CRYBG1: variants seen among roughly 807,000 people sequenced by gnomAD.
CRYBG1 encodes the protein crystallin beta-gamma domain containing 1, also known as beta/gamma crystallin domain-containing protein 1.
Under a neutral mutation model 189.2 loss-of-function variants are expected in CRYBG1, and 139 were observed. That is an observed-to-expected ratio of 0.73 (90% CI 0.64 to 0.85). The LOEUF (loss-of-function observed/expected upper bound fraction) is 0.85, where lower values mean the gene tolerates loss of function less well. CRYBG1 is among the 40% of genes least tolerant of loss of function. CRYBG1 has a pLI of 0.00. For synonymous variants in CRYBG1, 1,023 were observed against 1,017.1 expected (o/e 1.01, Z -0.11); for missense variants, 2,611 against 2,675.8 (o/e 0.98, Z 0.53).
intron 2 of CRYBG1, among the ~76,000 whole-genome samples, chr6:106,453,169 G>T (rs575457158): frequency 1.3e-5 from 2 of 152,112 alleles, no homozygotes; most frequent in Admixed American, 1.3e-4. Flanking sequence ...TAAGATGGTA[G>T]ATTTTGTTAT....
rs1195235368 is a variant in CRYBG1 at position 106,551,366 on chromosome 6, A to G, written c.5313-486A>G. On this transcript the variant is annotated intron_variant, in intron 13 of 21. Transcript: ENST00000633556. The stretch of plus-strand genomic sequence containing the variant: ...ATTTCATTCTTTTTTATGGCTGTAT[A>G]GTATTCCATGGTTTATATGTACCAC... 2.0e-5 allele frequency among the ~76,000 whole-genome samples: 3 copies of G among 152,176 alleles called. No homozygotes were observed. The East Asian group carries it at 5.8e-4, about 29-fold the overall frequency.
chr6:106,387,933 G>A (rs1016271818), intron 1 of CRYBG1, among the ~76,000 whole-genome samples: 4 of 152,086 alleles, frequency 2.6e-5, no homozygotes, highest in Non-Finnish European at 5.9e-5. Flanking sequence ...TTCTTCCATT[G>A]GAGCAATTAT....
intron 21 of CRYBG1, 143 bp downstream of exon 21, chr6:106,564,069 C>T (rs200548418): frequency 3.8e-6 from 3 of 795,176 alleles, no homozygotes; most frequent in South Asian, 1.8e-5. Context: ...AGCTGCTGTG[C>T]TAGCCACTTT....
At chr6:106,546,681 T>C (rs985326829) in intron 13 of CRYBG1, among the ~76,000 whole-genome samples, 18 of 152,352 alleles carry the variant, frequency 1.2e-4, no homozygotes, top group African/African-American at 4.3e-4. Flanking sequence ...CCCTAACATT[T>C]TAGAATCAGT....
rs1211519005 is a variant in CRYBG1 at position 106,557,192 on chromosome 6, CTAT to C, written c.5716-1293_5716-1291del. 2.6e-5 allele frequency among the ~76,000 whole-genome samples: 4 copies of C among 152,274 alleles called. No homozygotes were observed. In the South Asian group the frequency reaches 6.2e-4, roughly 24 times the overall value. On this transcript the variant is annotated intron_variant, in intron 17 of 21. Coordinates refer to ENST00000633556, the MANE Select transcript of CRYBG1 (RefSeq NM_001371242.2). ...ATAAAAGTGCAAAGTAGTAATACTA[CTAT>C]AATTTTTGTCTTCTTTCCTCCATGT...
intron 2 of CRYBG1, among the ~76,000 whole-genome samples, chr6:106,488,921 G>A (rs894948860): frequency 1.3e-5 from 2 of 152,180 alleles, no homozygotes; most frequent in African/African-American, 4.8e-5. Flanking sequence ...GTGTTGTGCT[G>A]TAGTGGCTTA....
In CRYBG1 at chr6:106,544,707, G is replaced by A. The variant is rs1393712039; in HGVS notation, c.5166+10G>A. 6.2e-7 allele frequency: 1 copy of A among 1,612,270 alleles called. No individual in the cohort carries two copies. The highest frequency in any genetic ancestry group is 8.5e-7 in the Non-Finnish European group (1 of 1,179,384). ...ACGACCTATATTAGGTGTAAGTAAA[G>A]GACAAGCTAATGGCTAATACTTGGT... is the stretch of plus-strand genomic sequence containing the variant. On this transcript the variant is annotated intron_variant, in intron 12 of 21. Transcript: ENST00000633556.
Position 106,511,708 on chromosome 6 carries a change from C to T in CRYBG1, c.591C>T (p.Leu197=). The T allele has an allele frequency of 6.5e-7, 1 of 1,535,564 alleles. No homozygotes were observed. ...ATCCCCGAGAGGCAGAGGGCGAGCTCCCCGAGAGCGGTGGCCCCGCAGCCC... is the reference window on the plus strand; with the variant it reads ...ATCCCCGAGAGGCAGAGGGCGAGCTTCCCGAGAGCGGTGGCCCCGCAGCCC... ...RENPREAEGE[L]PESGGPAAPP... is the part of the protein sequence containing the mutation. The change falls in exon 3 of 22, where the codon CTC becomes CTT. Residue 197 remains leucine, a synonymous_variant. Coordinates refer to ENST00000633556, the MANE Select transcript of CRYBG1 (RefSeq NM_001371242.2).
At chr6:106,511,402 T>C (rs527305676) in intron 2 of CRYBG1, 28 bp from the exon 3 acceptor site, 3 of 1,513,028 alleles carry the variant, frequency 2.0e-6, no homozygotes, top group Middle Eastern at 3.4e-4. Context: ...TTCTCATATG[T>C]TCCCTCCTCA....
Position 106,511,882 on chromosome 6 carries a change from G to A in CRYBG1, c.765G>A (p.Leu255=). 1 of 1,520,562 alleles carries A rather than the reference G, an allele frequency of 6.6e-7. No homozygotes were observed. The highest frequency in any genetic ancestry group is 8.8e-7 in the Non-Finnish European group (1 of 1,136,920). 94.2% of individuals were successfully genotyped at this position (1,520,562 alleles called of 1,614,324 possible). ...FPDATTTAKQ[L]HSSPGNSSRQ... ...ATGCCACCACCACTGCCAAGCAGCT[G>A]CATTCCTCGCCGGGAAATTCCTCCA... The change falls in exon 3 of 22, where the codon CTG becomes CTA. Residue 255 remains leucine, a synonymous_variant. Transcript: ENST00000633556.
At chr6:106,549,180 G>A (rs1333726950) in intron 13 of CRYBG1, among the ~76,000 whole-genome samples, 1 of 152,052 alleles carries the variant, frequency 6.6e-6, no homozygotes, top group Non-Finnish European at 1.5e-5. Flanking sequence ...CCACATAGCA[G>A]TGCTCCCTGC....
chr6:106,521,404 G>C lies in CRYBG1; in HGVS notation c.4196G>C (p.Arg1399Pro). The change falls in exon 4 of 22, where the codon CGG becomes CCG. Residue 1399 changes from arginine to proline, a missense_variant. This residue lies in a region of CRYBG1 where 1,622 missense variants were observed against 1,735.0 expected (regional missense o/e 0.93). Coordinates refer to ENST00000633556, the MANE Select transcript of CRYBG1 (RefSeq NM_001371242.2). ...TDFMGLFKSSRYDPSISFSGM... is the reference protein window; with the variant it reads ...TDFMGLFKSSPYDPSISFSGM... ...TTCATGGGTCTTTTCAAATCAAGCCGGTATGACCCAAGCATTTCTTTTTCT... is the reference window on the plus strand; with the variant it reads ...TTCATGGGTCTTTTCAAATCAAGCCCGTATGACCCAAGCATTTCTTTTTCT... The C allele has an allele frequency of 6.2e-7, 1 of 1,605,604 alleles. No individual in the cohort carries two copies. The highest frequency in any genetic ancestry group is 8.5e-7 in the Non-Finnish European group (1 of 1,177,458).
intron 3 of CRYBG1, among the ~76,000 whole-genome samples, chr6:106,517,317 C>CATATATAT (rs1286467862): frequency 1.1e-4 from 16 of 139,550 alleles, no homozygotes; most frequent in African/African-American, 4.5e-4. Flanking sequence ...CACACACACA[C>CATATATAT]ATATATATAT....
rs551396817 is a variant in CRYBG1 at position 106,489,656 on chromosome 6, T to C, written c.313-21774T>C. 2.0e-4 allele frequency among the ~76,000 whole-genome samples: 25 copies of C among 127,020 alleles called. No homozygotes were observed. In the South Asian group the frequency reaches 4.2e-3, roughly 21 times the overall value. 83.3% of individuals were successfully genotyped at this position (127,020 alleles called of 152,430 possible). ...CAACATGGTGAAACCCTGTCTCTAC[T>C]AAAAATACAAAAAAAAAAAAAATTA... On this transcript the variant is annotated intron_variant, in intron 2 of 21. Coordinates refer to ENST00000633556, the MANE Select transcript of CRYBG1 (RefSeq NM_001371242.2).
At chr6:106,391,972 C>T (rs6928117) in intron 1 of CRYBG1, among the ~76,000 whole-genome samples, 51 of 51,104 alleles carry the variant, frequency 1.0e-3, no homozygotes, top group African/African-American at 2.9e-3. Context: ...TGTGTGTGTG[C>T]GTGCGCGTTT....
At chr6:106,387,778 ACAAAATTATGAAGACCCATAAAAATAACT>A (rs1433661464) in intron 1 of CRYBG1, among the ~76,000 whole-genome samples, 13 of 152,308 alleles carry the variant, frequency 8.5e-5, no homozygotes, top group East Asian at 1.9e-4. Context: ...TCTCATGGTA[ACAAAATTATGAAGACCCATAAAAATAACT>A]CAAAATTATG....
intron 1 of CRYBG1, among the ~76,000 whole-genome samples, chr6:106,437,611 T>A (rs1006945493): frequency 6.6e-6 from 1 of 152,118 alleles, no homozygotes; most frequent in Non-Finnish European, 1.5e-5. Flanking sequence ...TGATTTTTGT[T>A]TGTTTCGTAG....
At chr6:106,362,627 A>T (rs1262872319) in intron 1 of CRYBG1, among the ~76,000 whole-genome samples, 1 of 152,160 alleles carries the variant, frequency 6.6e-6, no homozygotes, top group East Asian at 1.9e-4. Context: ...TCTAGGTGTG[A>T]GTGGGTAAGG....
chr6:106,469,618 C>T, intron 2 of CRYBG1, among the ~76,000 whole-genome samples: 1 of 152,136 alleles, frequency 6.6e-6, no homozygotes, highest in East Asian at 1.9e-4. Flanking sequence ...TTATTGATTT[C>T]AGTTGACACA....
Sources: gnomAD v4.1 joint callset for allele counts (sites outside exome capture counted in the v4.1 genomes callset) on GRCh38, gnomAD v4.1.1 for gene constraint, gnomAD v4.1.1 regional missense constraint, MANE v1.5 for transcripts, NCBI Gene and HGNC (gene_info 2026-07-23, HGNC 2026-07-21) for gene names.